Variants in PSD3 observed in about 807,000 individuals in gnomAD.
PSD3 encodes PH and SEC7 domain-containing protein 3.
In PSD3, 49 loss-of-function variants were observed where a neutral mutation model predicts 105.5. The ratio of observed to expected loss-of-function variants is 0.46; its 90% CI spans 0.37 to 0.59. PSD3 has a LOEUF of 0.59. Among genes scored for constraint, PSD3 ranks in the 20% least tolerant of loss-of-function variants. PSD3 has a pLI of 0.00. For synonymous variants in PSD3, 557 were observed against 457.8 expected (o/e 1.22, Z -2.77); for missense variants, 1,561 against 1,263.8 (o/e 1.24, Z -3.57).
chr8:19,005,209 A>G (rs1268492684), intron 1 of PSD3, among the ~76,000 whole-genome samples: 1 of 152,028 alleles, frequency 6.6e-6, no homozygotes, highest in Non-Finnish European at 1.5e-5. Context: ...CCATCAACTG[A>G]TGAACGGATA....
intron 2 of PSD3, among the ~76,000 whole-genome samples, chr8:18,896,906 G>T (rs578109892): frequency 6.6e-6 from 1 of 152,092 alleles, no homozygotes; most frequent in East Asian, 1.9e-4. Context: ...CGCCTCCCAG[G>T]TTCAAGCAAT....
At chr8:18,791,126 C>G (rs1288601553) in intron 8 of PSD3, among the ~76,000 whole-genome samples, 1 of 152,086 alleles carries the variant, frequency 6.6e-6, no homozygotes, top group Non-Finnish European at 1.5e-5. Context: ...CTGGAAGAGT[C>G]AGTATCACGA....
intron 4 of PSD3, among the ~76,000 whole-genome samples, chr8:18,858,303 CTT>C (rs931150463): frequency 2.0e-5 from 3 of 152,170 alleles, no homozygotes; most frequent in Non-Finnish European, 4.4e-5. Context: ...TAAAAACAAA[CTT>C]TATTGCTAAA....
intron 15 of PSD3, among the ~76,000 whole-genome samples, chr8:18,549,327 A>C (rs1333343106): frequency 6.6e-6 from 1 of 152,032 alleles, no homozygotes; most frequent in Non-Finnish European, 1.5e-5. Flanking sequence ...GATTACAGGC[A>C]TGTGCCACAA....
At chr8:18,563,594 G>C (rs1801537151) in intron 14 of PSD3, among the ~76,000 whole-genome samples, 1 of 152,270 alleles carries the variant, frequency 6.6e-6, no homozygotes, top group Admixed American at 6.5e-5. Context: ...TCATGTTTAA[G>C]ACAGCTTTAG....
intron 9 of PSD3, among the ~76,000 whole-genome samples, chr8:18,709,699 G>A (rs1802129941): frequency 6.6e-6 from 1 of 152,188 alleles, no homozygotes; most frequent in African/African-American, 2.4e-5. Flanking sequence ...AGGTATGGGA[G>A]GTACCCAGGT....
chr8:18,647,798 T>C (rs756605845), intron 10 of PSD3, among the ~76,000 whole-genome samples: 4 of 152,130 alleles, frequency 2.6e-5, no homozygotes, highest in African/African-American at 4.8e-5. Flanking sequence ...TTACCCCCTT[T>C]AGTACTGTTC....
At chr8:19,072,172 G>A (rs1415900710) in intron 1 of PSD3, among the ~76,000 whole-genome samples, 3 of 150,222 alleles carry the variant, frequency 2.0e-5, no homozygotes, top group Admixed American at 6.7e-5. Flanking sequence ...CACGATCTCT[G>A]CTCACTGCAG....
rs112970256 is a variant in PSD3 at position 18,627,522 on chromosome 8, T to C, written c.2410+5091A>G. 2.3e-3 allele frequency among the ~76,000 whole-genome samples: 344 copies of C among 152,128 alleles called. 1 individual carries two copies. Among genetic ancestry groups the C allele is most frequent in the African/African-American group, 7.9e-3 (330 of 41,512 alleles). ...TTATGTTTTCATCAGCTAGAGTGGATAGACTGTGTAATACATGCCATATTG... is the reference window on the plus strand; with the variant it reads ...TTATGTTTTCATCAGCTAGAGTGGACAGACTGTGTAATACATGCCATATTG... On this transcript the variant is annotated intron_variant, in intron 11 of 15. Coordinates refer to ENST00000327040, the MANE Select transcript of PSD3 (RefSeq NM_015310.4).
intron 4 of PSD3, among the ~76,000 whole-genome samples, chr8:18,823,713 G>C (rs1812932489): frequency 6.6e-6 from 1 of 151,704 alleles, no homozygotes; most frequent in Non-Finnish European, 1.5e-5. Flanking sequence ...CTAAGTTTTT[G>C]GGAAAATGAG....
intron 2 of PSD3, among the ~76,000 whole-genome samples, chr8:18,897,090 AGCCACCGTGCCCG>A (rs549376213): frequency 2.3e-3 from 355 of 152,248 alleles, no homozygotes; most frequent in African/African-American, 8.2e-3. Context: ...TACAGGCGTG[AGCCACCGTGCCCG>A]GCCTATGTTT....
At chr8:19,014,583 G>A (rs1407819016), upstream of PSD3, 1 of 152,436 alleles carries the variant, frequency 6.6e-6, no homozygotes, top group African/African-American at 2.4e-5. The surrounding 1 kb of genome is among the most constrained non-coding windows in gnomAD (Gnocchi z 4.9). Context: ...CAAGCACCTG[G>A]AGGCGGAACC....
chr8:19,017,603 C>A (rs1285012641), upstream of PSD3, among the ~76,000 whole-genome samples: 2 of 152,304 alleles, frequency 1.3e-5, no homozygotes, highest in East Asian at 3.9e-4. Flanking sequence ...CACTAATTTA[C>A]TTTCTGTTTC....
At chr8:18,801,697 G>A (rs536942989) in intron 6 of PSD3, among the ~76,000 whole-genome samples, 33 of 152,134 alleles carry the variant, frequency 2.2e-4, no homozygotes, top group Non-Finnish European at 3.5e-4. Flanking sequence ...GGGCATGGTG[G>A]TGGGCGCCTG....
intron 4 of PSD3, among the ~76,000 whole-genome samples, chr8:18,809,861 AC>A (rs1271706228): frequency 2.4e-4 from 37 of 152,252 alleles, no homozygotes; most frequent in Admixed American, 4.6e-4. Flanking sequence ...TACAAAAAAA[AC>A]AAAACAAAAA....
chr8:18,989,390 C>T (rs1189770744), intron 1 of PSD3: 1 of 152,094 alleles, frequency 6.6e-6, no homozygotes, highest in Non-Finnish European at 1.5e-5. Context: ...CCAGAAGGAA[C>T]TGAGAAGCTC....
At chr8:18,671,472 G>A (rs946218331) in intron 9 of PSD3, among the ~76,000 whole-genome samples, 3 of 152,104 alleles carry the variant, frequency 2.0e-5, no homozygotes, top group Non-Finnish European at 4.4e-5. Flanking sequence ...TTTCCAAGAG[G>A]TAATGTAGTT....
intron 11 of PSD3, among the ~76,000 whole-genome samples, chr8:18,611,735 T>A (rs1426679037): frequency 6.6e-6 from 1 of 151,534 alleles, no homozygotes; most frequent in Non-Finnish European, 1.5e-5. Context: ...GGAACTTTAT[T>A]AGAGCCTTAA....
At chr8:18,740,883 T>C (rs1450917293) in intron 9 of PSD3, among the ~76,000 whole-genome samples, 1 of 152,160 alleles carries the variant, frequency 6.6e-6, no homozygotes, top group Non-Finnish European at 1.5e-5. Flanking sequence ...GTTCAGCACT[T>C]CCACTAGACT....
Sources: gnomAD v4.1 joint callset for allele counts (sites outside exome capture counted in the v4.1 genomes callset) on GRCh38, gnomAD v4.1.1 for gene constraint, Gnocchi (gnomAD v3.1) non-coding constraint, MANE v1.5 for transcripts, NCBI Gene and HGNC (gene_info 2026-07-23, HGNC 2026-07-21) for gene names.